Variants in GGT5 observed in about 807,000 individuals in gnomAD.
GGT5 encodes gamma-glutamyltransferase 5.
In GGT5, 50 loss-of-function variants were observed where a neutral mutation model predicts 58.1. The ratio of observed to expected loss-of-function variants is 0.86; its 90% CI spans 0.69 to 1.09. GGT5 has a LOEUF of 1.09. GGT5 is among the 50% of genes least tolerant of loss of function. GGT5 has a pLI of 0.00. For synonymous variants in GGT5, 370 were observed against 346.1 expected (o/e 1.07, Z -0.77); for missense variants, 800 against 789.4 (o/e 1.01, Z -0.16).
rs557509342 is a variant in GGT5, at chr22:24,232,896, C to T, written c.523G>A (p.Val175Met). The change falls in exon 4 of 12, where the codon GTG becomes ATG. Residue 175 changes from valine (V) to methionine (M), a missense_variant. Coordinates refer to ENST00000327365, the MANE Select transcript of GGT5 (RefSeq NM_004121.5). ...AAACGGCTGAGGACAGGGGCCACCACATGCCCCCCTCGGAGCAGCGCGATG... is the reference window on the plus strand; with the variant it reads ...AAACGGCTGAGGACAGGGGCCACCATATGCCCCCCTCGGAGCAGCGCGATG... ...PTIALLRGGHVVAPVLSRFLH... is the reference protein window; with the variant it reads ...PTIALLRGGHMVAPVLSRFLH... 5.0e-6 allele frequency: 8 copies of T among 1,585,500 alleles called. No homozygotes were observed. In the South Asian group the frequency reaches 5.7e-5, roughly 11 times the overall value.
chr22:24,234,940 C>T (rs2048053340), intron 1 of GGT5, among the ~76,000 whole-genome samples: 1 of 152,052 alleles, frequency 6.6e-6, no homozygotes, highest in Non-Finnish European at 1.5e-5. Context: ...TCAGCCTGGC[C>T]TACATTATGA....
intron 11 of GGT5, among the ~76,000 whole-genome samples, chr22:24,222,870 G>C (rs1007905400): frequency 2.0e-5 from 3 of 152,102 alleles, no homozygotes; most frequent in Non-Finnish European, 4.4e-5. Context: ...AAGGTCAGGA[G>C]ATCGAGACCA....
chr22:24,244,784 G>A lies in GGT5; in HGVS notation c.-59C>T, dbSNP rs1382185502. On this transcript the variant is annotated 5_prime_UTR_variant, in exon 1 of 12. Coordinates refer to ENST00000327365, the MANE Select transcript of GGT5 (RefSeq NM_004121.5). Reference sequence around the variant, plus strand: ...TGGGCAGACGGAGGGACGGATGGGTGGGCAGATGAATGGACAAGAAGATGC... The same window carrying A: ...TGGGCAGACGGAGGGACGGATGGGTAGGCAGATGAATGGACAAGAAGATGC... The A allele has an allele frequency of 2.2e-5, 34 of 1,531,124 alleles. No homozygotes were observed. Among genetic ancestry groups the A allele is most frequent in the Non-Finnish European group, 2.8e-5 (32 of 1,136,708 alleles). 94.8% of individuals were successfully genotyped at this position (1,531,124 alleles called of 1,614,324 possible).
Position 24,225,370 on chromosome 22 carries a change from G to A in GGT5, c.1378C>T (p.Pro460Ser), listed in dbSNP as rs764663086. ...GGGGAACGCTCGCCTGGAACTGGGGGCCAGCACCTTCCGGGAGCTCCACCC... is the reference window on the plus strand; with the variant it reads ...GGGGAACGCTCGCCTGGAACTGGGGACCAGCACCTTCCGGGAGCTCCACCC... ...RVGGAPGRCW[P>S]PVPGERSPSS... The change falls in exon 10 of 12, where the codon CCC (proline) becomes TCC (serine). Residue 460 changes from proline (P) to serine (S), a missense_variant. Pro to Ser is a moderately conservative substitution (Grantham distance 74). Transcript: ENST00000327365. The A allele has an allele frequency of 5.0e-6, 8 of 1,611,472 alleles. No individual in the cohort carries two copies. The highest frequency in any genetic ancestry group is 1.1e-5 in the South Asian group (1 of 90,732).
chr22:24,219,925 G>GGACT lies in GGT5; in HGVS notation c.*41_*44dup. 6.3e-7 allele frequency: 1 copy of GGACT among 1,598,854 alleles called. No individual in the cohort carries two copies. Among genetic ancestry groups the GGACT allele is most frequent in the Non-Finnish European group, 8.6e-7 (1 of 1,167,458 alleles). On this transcript the variant is annotated 3_prime_UTR_variant, in exon 12 of 12. Coordinates refer to ENST00000327365, the MANE Select transcript of GGT5 (RefSeq NM_004121.5). ...CCCAGCCATGTCCGGCCTGGACACA[G>GGACT]GACTCATGGTGGGGCCAGACTTCAG...
At chr22:24,241,101 G>A (rs565897954) in intron 1 of GGT5, 1 of 141,724 alleles carries the variant, frequency 7.1e-6, no homozygotes, top group East Asian at 2.1e-4. Flanking sequence ...AGGTTGCGGT[G>A]AGCCAAGATC....
At chr22:24,234,535 C>T (rs565184442) in intron 1 of GGT5, among the ~76,000 whole-genome samples, 6 of 152,292 alleles carry the variant, frequency 3.9e-5, no homozygotes, top group African/African-American at 1.4e-4. Flanking sequence ...ATTCTCTGGC[C>T]TAGGCTGGGT....
Position 24,219,990 on chromosome 22 carries a change from C to T in GGT5, c.1741G>A (p.Gly581Arg). 1.9e-6 allele frequency: 3 copies of T among 1,614,152 alleles called. No individual in the cohort carries two copies. The highest frequency in any genetic ancestry group is 2.5e-6 in the Non-Finnish European group (3 of 1,180,004). Residue 581 changes from glycine (G) to arginine (R), a missense_variant, in exon 12 of 12, where the codon GGG becomes AGG. Coordinates refer to ENST00000327365, the MANE Select transcript of GGT5 (RefSeq NM_004121.5). ...VYAVSDLRKS[G>R]EAAGY ...GTGTCTTAGTAGCCTGCGGCCTCCC[C>T]ACTCTTCCTCAGGTCCGAGACGGCG...
intron 1 of GGT5, among the ~76,000 whole-genome samples, chr22:24,238,822 TA>T (rs1489928113): frequency 2.5e-4 from 4 of 15,966 alleles, no homozygotes; most frequent in African/African-American, 8.7e-4. Flanking sequence ...ATTATATATA[TA>T]TATATATATT....
intron 3 of GGT5, 26 bp from the exon 4 acceptor site, chr22:24,233,044 C>T (rs1284649291): frequency 2.1e-6 from 3 of 1,450,232 alleles, no homozygotes; most frequent in Non-Finnish European, 1.8e-6. Flanking sequence ...CAGCTCTCAA[C>T]CCTGTGGCTT....
Position 24,231,430 on chromosome 22 carries a change from C to T in GGT5, c.855G>A (p.Pro285=), listed in dbSNP as rs754933202. The T allele has an allele frequency of 1.0e-5, 16 of 1,557,728 alleles. No individual in the cohort carries two copies. The highest frequency in any genetic ancestry group is 5.8e-5 in the Admixed American group (3 of 51,894). The change falls in exon 6 of 12, where the codon CCG becomes CCA. Residue 285 remains proline (P), a synonymous_variant. Transcript: ENST00000327365. The part of the protein sequence containing the change: ...LGDYTLYSPP[P]PAGGAILSFI... ...AGCTGAGAATGGCACCCCCTGCAGG[C>T]GGCGGTGGTGAGTACAGGGTATAGT...
chr22:24,237,405 A>ATATTTATT (rs67402234), intron 1 of GGT5, among the ~76,000 whole-genome samples: 1 of 151,072 alleles, frequency 6.6e-6, no homozygotes, highest in Non-Finnish European at 1.5e-5. Context: ...AAATTATTTT[A>ATATTTATT]TATTTATTTA....
intron 1 of GGT5, among the ~76,000 whole-genome samples, chr22:24,238,160 T>C (rs2048152683): frequency 7.5e-6 from 1 of 132,886 alleles, no homozygotes. Flanking sequence ...ACCCAGCAGG[T>C]GGAGGTTGCA....
chr22:24,236,274 C>T (rs997650637), intron 1 of GGT5, among the ~76,000 whole-genome samples: 6 of 152,164 alleles, frequency 3.9e-5, no homozygotes, highest in Admixed American at 3.9e-4. Flanking sequence ...TTTTGCTCAG[C>T]GCCTACACCC....
chr22:24,238,790 TA>T (rs2048187160), intron 1 of GGT5, among the ~76,000 whole-genome samples: 1 of 13,774 alleles, frequency 7.3e-5, no homozygotes, highest in Non-Finnish European at 1.2e-4. Flanking sequence ...ATATATATTA[TA>T]TATTTATATA....
At chr22:24,238,534 C>CAA (rs1208871859) in intron 1 of GGT5, among the ~76,000 whole-genome samples, 1 of 126,070 alleles carries the variant, frequency 7.9e-6, no homozygotes, top group African/African-American at 3.0e-5. Context: ...GACCCCATCT[C>CAA]AAAAAAAAAA....
intron 11 of GGT5, among the ~76,000 whole-genome samples, chr22:24,224,474 C>T (rs2047689638): frequency 6.7e-6 from 1 of 150,340 alleles, no homozygotes; most frequent in Admixed American, 6.7e-5. Flanking sequence ...GCTGTGATCG[C>T]AACACTGCAC....
chr22:24,228,062 A>AC (rs1442742937), intron 6 of GGT5, among the ~76,000 whole-genome samples: 4 of 122,048 alleles, frequency 3.3e-5, no homozygotes, highest in South Asian at 2.5e-4. Flanking sequence ...AAAAAAAAAA[A>AC]AAAACAAAAC....
chr22:24,243,453 A>C (rs1234324103), intron 1 of GGT5: 3 of 152,240 alleles, frequency 2.0e-5, no homozygotes, highest in Non-Finnish European at 4.4e-5. Flanking sequence ...GGAAGGATGG[A>C]CAGATGGGGG....
Sources: allele counts gnomAD v4.1 joint callset (sites outside exome capture counted in the v4.1 genomes callset), GRCh38; gene constraint gnomAD v4.1.1; transcripts MANE v1.5; gene names NCBI Gene and HGNC (gene_info 2026-07-23, HGNC 2026-07-21).